SCUBE1: variants seen among roughly 807,000 people sequenced by gnomAD.
SCUBE1 encodes signal peptide, CUB and EGF-like domain-containing protein 1.
SCUBE1 carries 59 observed loss-of-function variants against 124.4 expected under a neutral mutation model. The ratio of observed to expected loss-of-function variants is 0.47; its 90% CI spans 0.38 to 0.59. SCUBE1 has a LOEUF of 0.59. Ranked by LOEUF, SCUBE1 falls within the 20% of genes least tolerant of loss-of-function variation. The probability of loss-of-function intolerance (pLI) is 0.00; values close to 1 mark genes in which losing one functional copy is unlikely to be tolerated. For synonymous variants in SCUBE1, 545 were observed against 550.9 expected (o/e 0.99, Z 0.15); for missense variants, 1,150 against 1,371.2 (o/e 0.84, Z 2.55).
chr22:43,292,333 G>C (rs1925393188), intron 3 of SCUBE1, among the ~76,000 whole-genome samples: 1 of 152,166 alleles, frequency 6.6e-6, no homozygotes, highest in South Asian at 2.1e-4. Flanking sequence ...GGCACAAAGG[G>C]CGCTATTGGC....
chr22:43,257,206 G>C (rs954951381), intron 6 of SCUBE1, among the ~76,000 whole-genome samples: 3 of 152,340 alleles, frequency 2.0e-5, no homozygotes, highest in East Asian at 1.9e-4. Flanking sequence ...AGACAGAGCA[G>C]GGGCACACCC....
intron 2 of SCUBE1, among the ~76,000 whole-genome samples, chr22:43,331,230 T>C (rs1926893466): frequency 6.6e-6 from 1 of 152,226 alleles, no homozygotes; most frequent in African/African-American, 2.4e-5. Context: ...GCCGGGGATA[T>C]AAAATTCAGG....
intron 6 of SCUBE1, among the ~76,000 whole-genome samples, chr22:43,250,910 T>A (rs1333693121): frequency 4.6e-5 from 7 of 152,226 alleles, no homozygotes; most frequent in Non-Finnish European, 1.0e-4. Context: ...AGGCCTGTTC[T>A]GCTCCTAACC....
Position 43,235,737 on chromosome 22 carries a change from C to T in SCUBE1, c.844+3101G>A, listed in dbSNP as rs1340102578. On this transcript the variant is annotated intron_variant, in intron 7 of 21. Coordinates refer to ENST00000360835, the MANE Select transcript of SCUBE1 (RefSeq NM_173050.5). ...GCTTCCTTCAGCTACAGTCACTTTC[C>T]CATCCTCCCAACTCCTCACTTGCCA... 2.6e-5 allele frequency among the ~76,000 whole-genome samples: 4 copies of T among 152,172 alleles called. No individual in the cohort carries two copies. The East Asian group carries it at 7.7e-4, about 29-fold the overall frequency.
At chr22:43,254,352 A>G (rs5996298) in intron 6 of SCUBE1, among the ~76,000 whole-genome samples, 7,390 of 152,264 alleles carry the variant, frequency 0.049, 596 homozygotes, top group African/African-American at 0.17. Context: ...AAGCCTCCTC[A>G]GCAGCACACA....
In SCUBE1 at chr22:43,342,275, C is replaced by T. The variant is rs548325815; in HGVS notation, c.88+899G>A. On this transcript the variant is annotated intron_variant, in intron 1 of 21. Coordinates refer to ENST00000360835, the MANE Select transcript of SCUBE1 (RefSeq NM_173050.5). ...ACCGGGTGGGAGGGTGGGGGGGTCCCCGTGAAACCCACGGGCCTGGGCCTG... is the reference window on the plus strand; with the variant it reads ...ACCGGGTGGGAGGGTGGGGGGGTCCTCGTGAAACCCACGGGCCTGGGCCTG... 2.7e-3 allele frequency among the ~76,000 whole-genome samples: 403 copies of T among 151,930 alleles called. 1 individual carries two copies. Among genetic ancestry groups the T allele is most frequent in the Non-Finnish European group, 4.4e-3 (299 of 67,886 alleles).
intron 3 of SCUBE1, among the ~76,000 whole-genome samples, chr22:43,308,949 C>T (rs966493395): frequency 2.0e-5 from 3 of 152,250 alleles, no homozygotes; most frequent in African/African-American, 2.4e-5. Flanking sequence ...ATTGAAGTCG[C>T]GATGTCACAT....
chr22:43,299,000 C>G (rs1925668839), intron 3 of SCUBE1, among the ~76,000 whole-genome samples: 1 of 149,646 alleles, frequency 6.7e-6, no homozygotes, highest in Non-Finnish European at 1.5e-5. Context: ...TGCAGTGAGC[C>G]AGACCGCACC....
In SCUBE1 at chr22:43,335,766, GTGA is replaced by G. The variant is rs879726757; in HGVS notation, c.220+3335_220+3337del. On this transcript the variant is annotated intron_variant, in intron 2 of 21. Transcript: ENST00000360835. Reference sequence around the variant, plus strand: ...GATGATGATGATGATGATGATGATGGTGATGATGATGGTGATGGTGATGGTGAT... The same window carrying G: ...GATGATGATGATGATGATGATGATGGTGATGATGGTGATGGTGATGGTGAT... 7.4e-5 allele frequency among the ~76,000 whole-genome samples: 11 copies of G among 149,292 alleles called. No homozygotes were observed. In the South Asian group the frequency reaches 2.4e-3, roughly 32 times the overall value.
At chr22:43,343,074 G>A in intron 1 of SCUBE1, 100 bp downstream of exon 1, 1 of 482,018 alleles carries the variant, frequency 2.1e-6, no homozygotes, top group Non-Finnish European at 2.8e-6. Context: ...GGGCCGCGCG[G>A]GGCGAGCTCG....
intron 4 of SCUBE1, among the ~76,000 whole-genome samples, chr22:43,265,311 C>T (rs764994020): frequency 1.3e-5 from 2 of 152,132 alleles, no homozygotes; most frequent in Non-Finnish European, 2.9e-5. Context: ...ACTTTGGGGA[C>T]GTACTCTAGC....
In SCUBE1 at chr22:43,210,239, G is replaced by T; in HGVS notation, c.2385C>A (p.Asn795Lys). 6.5e-7 allele frequency: 1 copy of T among 1,533,904 alleles called. No individual in the cohort carries two copies. The highest frequency in any genetic ancestry group is 2.4e-5 in the East Asian group (1 of 42,310). Residue 795 changes from asparagine (N) to lysine (K), a missense_variant and splice_region_variant, in exon 19 of 22, where the codon AAC (asparagine) becomes AAA (lysine). Around this residue, in one of 3 missense-constraint regions of SCUBE1, gnomAD observed 757 missense variants for 840.9 expected, o/e 0.90. Coordinates refer to ENST00000360835, the MANE Select transcript of SCUBE1 (RefSeq NM_173050.5). This position sits in a 1 kb window ranked among gnomAD's most constrained non-coding sequence, Gnocchi z 4.5. The part of the protein sequence containing the change: ...DGSTNVTHCK[N>K]QHCGGELGDY... ...CACCAAGCTCGCCGCCGCAGTGCTG[G>T]TCTGTGGGCACAGTGGCCCGAGGGC...
At chr22:43,290,281 A>T (rs1309042003) in intron 4 of SCUBE1, among the ~76,000 whole-genome samples, 1 of 151,214 alleles carries the variant, frequency 6.6e-6, no homozygotes, top group Non-Finnish European at 1.5e-5. Flanking sequence ...CTCCAAGCAC[A>T]TGTGTCCTGG....
In SCUBE1 at chr22:43,306,909, G is replaced by A. The variant is rs147460806; in HGVS notation, c.349+13028C>T. ...GCCATCGCTGGCCGAGGGAGACAGG[G>A]AGACTTTCCCAGCGCTTCTACCCAG... On this transcript the variant is annotated intron_variant, in intron 3 of 21. Coordinates refer to ENST00000360835, the MANE Select transcript of SCUBE1 (RefSeq NM_173050.5). Among the ~76,000 whole-genome samples, 295 of 152,318 alleles carry A rather than the reference G, an allele frequency of 1.9e-3. 1 individual carries two copies. Among genetic ancestry groups the A allele is most frequent in the African/African-American group, 6.7e-3 (279 of 41,576 alleles).
chr22:43,207,407 C>T (rs1325732220), intron 21 of SCUBE1, 127 bp downstream of exon 21: 1 of 728,742 alleles, frequency 1.4e-6, no homozygotes, highest in Non-Finnish European at 2.5e-6. Context: ...AAGCCTCCTG[C>T]TCCTCTCCCA....
At chr22:43,313,443 G>A (rs1926238657) in intron 3 of SCUBE1, among the ~76,000 whole-genome samples, 1 of 152,212 alleles carries the variant, frequency 6.6e-6, no homozygotes, top group African/African-American at 2.4e-5. Flanking sequence ...GAGGAGCCTT[G>A]CTTTGTGGAG....
In SCUBE1 at chr22:43,216,456, C is replaced by T. The variant is rs566084929; in HGVS notation, c.1891+1799G>A. 1.7e-4 allele frequency among the ~76,000 whole-genome samples: 25 copies of T among 151,312 alleles called. No individual in the cohort carries two copies. The South Asian group carries it at 5.1e-3, about 31-fold the overall frequency. ...GATCATGAGGTCAGGAGTTTGAGAC[C>T]AGCCTGGCCAACATAGTGAAACCCT... On this transcript the variant is annotated intron_variant, in intron 15 of 21. Transcript: ENST00000360835.
intron 19 of SCUBE1, among the ~76,000 whole-genome samples, chr22:43,209,390 T>G (rs1208255212): frequency 6.6e-6 from 1 of 152,166 alleles, no homozygotes; most frequent in African/African-American, 2.4e-5. Flanking sequence ...CTGCAGGTAT[T>G]TGGCTGGTGC....
Position 43,262,714 on chromosome 22 carries a change from A to G in SCUBE1, c.610+6T>C. ...ACGTTTGACCCATTTGTCTCCCTCT[A>G]CCTACGTGTGCAGTCCTTCTGGTTT... On this transcript the variant is annotated splice_donor_region_variant and intron_variant, in intron 5 of 21. Transcript: ENST00000360835. 6.2e-7 allele frequency: 1 copy of G among 1,613,190 alleles called. No homozygotes were observed. The highest frequency in any genetic ancestry group is 8.5e-7 in the Non-Finnish European group (1 of 1,179,286).
Sources: allele counts gnomAD v4.1 joint callset (sites outside exome capture counted in the v4.1 genomes callset), GRCh38; gene constraint gnomAD v4.1.1; regional missense constraint gnomAD v4.1.1; non-coding constraint Gnocchi (gnomAD v3.1); transcripts MANE v1.5; gene names NCBI Gene and HGNC (gene_info 2026-07-23, HGNC 2026-07-21).